Variants in CPVL observed in about 807,000 individuals in gnomAD.
The protein encoded by CPVL is probable serine carboxypeptidase CPVL.
In CPVL, 51 loss-of-function variants were observed where a neutral mutation model predicts 63.7. That is an observed-to-expected ratio of 0.80 (90% confidence interval 0.64 to 1.01). CPVL has a LOEUF of 1.01. Ranked by LOEUF, CPVL falls within the 50% of genes least tolerant of loss-of-function variation. The pLI is 0.00. For synonymous variants in CPVL, 195 were observed against 206.0 expected (o/e 0.95, Z 0.46); for missense variants, 530 against 573.1 (o/e 0.92, Z 0.77).
intron 5 of CPVL, among the ~76,000 whole-genome samples, chr7:29,169,539 A>T (rs1421091407): frequency 1.3e-5 from 2 of 152,206 alleles, no homozygotes; most frequent in African/African-American, 4.8e-5. Flanking sequence ...CTTAAACAAG[A>T]GGAAAGGGAG....
At chr7:29,115,060 TC>T (rs1435342640) in intron 2 of CPVL, among the ~76,000 whole-genome samples, 6 of 152,154 alleles carry the variant, frequency 3.9e-5, no homozygotes, top group Non-Finnish European at 8.8e-5. Flanking sequence ...AGATTAGGAC[TC>T]CCCAGCAAGT....
intron 11 of CPVL, among the ~76,000 whole-genome samples, chr7:29,054,353 A>T (rs1418385368): frequency 2.0e-5 from 3 of 152,088 alleles, no homozygotes; most frequent in Non-Finnish European, 4.4e-5. Context: ...ACTTGAAATA[A>T]TTTTTTTGTT....
intron 1 of CPVL, among the ~76,000 whole-genome samples, chr7:29,142,855 T>C (rs555291358): frequency 2.9e-4 from 44 of 152,124 alleles, no homozygotes; most frequent in Non-Finnish European, 6.0e-4. Flanking sequence ...TGCTCCCTTA[T>C]AATTGCAGAT....
intron 12 of CPVL, among the ~76,000 whole-genome samples, chr7:29,005,553 A>G (rs1213832169): frequency 6.6e-6 from 1 of 152,082 alleles, no homozygotes; most frequent in Non-Finnish European, 1.5e-5. Context: ...CTGTGTCTAC[A>G]GTGAGTTTTA....
intron 11 of CPVL, among the ~76,000 whole-genome samples, chr7:29,055,299 G>C (rs1188137893): frequency 6.6e-6 from 1 of 152,052 alleles, no homozygotes; most frequent in Admixed American, 6.6e-5. Context: ...ACCCAAACTG[G>C]AGTGCAGTGG....
At chr7:29,062,137 AC>A (rs1467629245) in intron 11 of CPVL, among the ~76,000 whole-genome samples, 1 of 152,138 alleles carries the variant, frequency 6.6e-6, no homozygotes, top group African/African-American at 2.4e-5. Flanking sequence ...GATAATAAGC[AC>A]CTAATGGATT....
Position 29,154,381 on chromosome 7 carries a change from T to A in CPVL, c.-11+26909A>T, listed in dbSNP as rs1042737507. On this transcript the variant is annotated intron_variant, in intron 5 of 16. Transcript: ENST00000409850. ...TAAATGGGTGGGGCTTCCCCATCCC[T>A]TCTCTTTGCCTCCCTTCACCTGTAG... Among the ~76,000 whole-genome samples the A allele has an allele frequency of 1.3e-5, 2 of 152,348 alleles. 1 individual carries two copies. The highest frequency in any genetic ancestry group is 2.9e-5 in the Non-Finnish European group (2 of 68,034).
chr7:29,078,513 G>C (rs1034664185), intron 7 of CPVL, among the ~76,000 whole-genome samples: 3 of 152,148 alleles, frequency 2.0e-5, no homozygotes, highest in Admixed American at 2.0e-4. Flanking sequence ...GAACACACTG[G>C]GCCGCAGTCA....
chr7:29,081,161 C>T (rs951217394), intron 7 of CPVL, among the ~76,000 whole-genome samples: 1 of 152,202 alleles, frequency 6.6e-6, no homozygotes, highest in Admixed American at 6.5e-5. Flanking sequence ...TGAGAGGATG[C>T]TAAATGTGTC....
At chr7:29,116,558 A>G (rs1447178203) in intron 2 of CPVL, among the ~76,000 whole-genome samples, 1 of 152,230 alleles carries the variant, frequency 6.6e-6, no homozygotes, top group African/African-American at 2.4e-5. Flanking sequence ...AACACTTTCA[A>G]AAACATTGGA....
At chr7:29,068,690 T>TC (rs1783386245) in intron 9 of CPVL, among the ~76,000 whole-genome samples, 1 of 151,194 alleles carries the variant, frequency 6.6e-6, no homozygotes. Context: ...TTCTTTTTTT[T>TC]TTTCTTTGTT....
chr7:29,183,299 G>A (rs1798298779), intron 4 of CPVL, among the ~76,000 whole-genome samples: 1 of 151,890 alleles, frequency 6.6e-6, no homozygotes, highest in South Asian at 2.1e-4. Flanking sequence ...GGTCAGGCTG[G>A]TCTCGAACTC....
At chr7:29,194,771 A>C in intron 1 of CPVL, 1 of 482,714 alleles carries the variant, frequency 2.1e-6, no homozygotes, top group Admixed American at 4.5e-5. Flanking sequence ...GCAGCGCGTC[A>C]TCTGGTGGAG....
chr7:29,194,873 C>T (rs1257341622), intron 1 of CPVL: 2 of 1,335,540 alleles, frequency 1.5e-6, no homozygotes, highest in Non-Finnish European at 1.9e-6. Context: ...TGCGAGCGGC[C>T]GGGCGAGGGC....
intron 11 of CPVL, among the ~76,000 whole-genome samples, chr7:29,042,412 G>A (rs912358160): frequency 1.3e-5 from 2 of 151,994 alleles, no homozygotes; most frequent in East Asian, 3.9e-4. Context: ...AGACCAGTCT[G>A]GGCAACACAG....
intron 1 of CPVL, among the ~76,000 whole-genome samples, chr7:29,187,558 T>C (rs1460689315): frequency 6.6e-6 from 1 of 152,028 alleles, no homozygotes; most frequent in Non-Finnish European, 1.5e-5. Context: ...ACCCCGTCTC[T>C]ACTAAAAATA....
intron 5 of CPVL, among the ~76,000 whole-genome samples, chr7:29,175,054 A>G (rs982894143): frequency 2.0e-5 from 3 of 152,170 alleles, no homozygotes; most frequent in South Asian, 4.1e-4. Context: ...TGTAGCTCCC[A>G]TAATTCCCAT....
At chr7:29,156,179 T>C (rs933647653) in intron 5 of CPVL, among the ~76,000 whole-genome samples, 1 of 152,136 alleles carries the variant, frequency 6.6e-6, no homozygotes, top group Non-Finnish European at 1.5e-5. Context: ...TATCTTCCAT[T>C]CCCCCACTGG....
At chr7:29,119,790 C>A (rs747346078) in intron 2 of CPVL, among the ~76,000 whole-genome samples, 2 of 152,142 alleles carry the variant, frequency 1.3e-5, no homozygotes, top group African/African-American at 2.4e-5. Context: ...AGCAGGGAGG[C>A]TGCAGTGAGG....
Sources: gnomAD v4.1 joint callset for allele counts (sites outside exome capture counted in the v4.1 genomes callset) on GRCh38, gnomAD v4.1.1 for gene constraint, MANE v1.5 for transcripts, NCBI Gene and HGNC (gene_info 2026-07-23, HGNC 2026-07-21) for gene names.